Variants in NFILZ observed in about 807,000 individuals in gnomAD.
The protein encoded by NFILZ is NFIL3 like protein.
intron 3 of NFILZ, among the ~76,000 whole-genome samples, chr19:8,650,834 T>C (rs1255535624): frequency 6.6e-6 from 1 of 152,204 alleles, no homozygotes; most frequent in Non-Finnish European, 1.5e-5. Flanking sequence ...GGTTTCATAA[T>C]GTACATGTAA....
At chr19:8,675,054 T>G (rs781945101) in intron 4 of NFILZ, among the ~76,000 whole-genome samples, 15 of 152,278 alleles carry the variant, frequency 9.9e-5, no homozygotes, top group Non-Finnish European at 2.1e-4. Flanking sequence ...ATTCATTAAG[T>G]CATTAATTCA....
chr19:8,634,895 AAACAAAC>A (rs2042887823), intron 2 of NFILZ, among the ~76,000 whole-genome samples: 2 of 146,994 alleles, frequency 1.4e-5, no homozygotes, highest in African/African-American at 5.3e-5. Flanking sequence ...ACAAACAAAC[AAACAAAC>A]AAAAAAACAA....
intron 3 of NFILZ, among the ~76,000 whole-genome samples, chr19:8,641,808 C>G (rs2042920426): frequency 6.6e-6 from 1 of 150,962 alleles, no homozygotes; most frequent in Non-Finnish European, 1.5e-5. Flanking sequence ...CATTTAGAAC[C>G]AATGCCTTAA....
intron 3 of NFILZ, among the ~76,000 whole-genome samples, chr19:8,666,406 G>T (rs1430842766): frequency 6.6e-6 from 1 of 151,272 alleles, no homozygotes; most frequent in Non-Finnish European, 1.5e-5. Flanking sequence ...GAACTCCTAG[G>T]CTCAAGCGAT....
chr19:8,637,912 CAAAAA>C (rs35778716), intron 3 of NFILZ, among the ~76,000 whole-genome samples: 2 of 20,268 alleles, frequency 9.9e-5, no homozygotes, highest in East Asian at 1.6e-3. Flanking sequence ...AAGATGGTCT[CAAAAA>C]AAAAAAAAAA....
rs1600158085 is a variant in NFILZ, at chr19:8,678,078, A to ATTTG, written c.*444_*445insTTGT. Reference sequence around the variant, plus strand: ...CACCCATCTATTCATCCATCCATCAATCCATCCATCCATTCCATCCATCCA... The same window carrying ATTTG: ...CACCCATCTATTCATCCATCCATCAATTTGTCCATCCATCCATTCCATCCATCCA... On this transcript the variant is annotated 3_prime_UTR_variant, in exon 6 of 6. Coordinates refer to ENST00000691075, the MANE Select transcript of NFILZ (RefSeq NM_001378600.1). Among the ~76,000 whole-genome samples, 2 of 3,146 alleles carry ATTTG rather than the reference A, an allele frequency of 6.4e-4. No homozygotes were observed. The highest frequency in any genetic ancestry group is 7.4e-4 in the Non-Finnish European group (1 of 1,356). 2.1% of individuals were successfully genotyped at this position (3,146 alleles called of 152,430 possible).
At chr19:8,632,061 G>T (rs563649889) in intron 1 of NFILZ, among the ~76,000 whole-genome samples, 1 of 152,218 alleles carries the variant, frequency 6.6e-6, no homozygotes, top group Non-Finnish European at 1.5e-5. Context: ...TAGAGATGGG[G>T]TTGCACCATG....
Position 8,668,380 on chromosome 19 carries a change from T to A in NFILZ, c.-163-6171T>A, listed in dbSNP as rs113679286. On this transcript the variant is annotated intron_variant, in intron 3 of 5. Transcript: ENST00000691075. Reference sequence around the variant, plus strand: ...ACCCGAGGATACAGAGGAATGATGGTATACTTTTCATATCTGAGCTCTAAC... The same window carrying A: ...ACCCGAGGATACAGAGGAATGATGGAATACTTTTCATATCTGAGCTCTAAC... Among the ~76,000 whole-genome samples, 292 of 152,062 alleles carry A rather than the reference T, an allele frequency of 1.9e-3. 1 individual carries two copies. The highest frequency in any genetic ancestry group is 6.6e-3 in the African/African-American group (273 of 41,484).
rs1277115944 is a variant in NFILZ, at chr19:8,632,827, ATTC to A, written c.-261+209_-261+211del. 2.0e-5 allele frequency among the ~76,000 whole-genome samples: 3 copies of A among 151,508 alleles called. No homozygotes were observed. In the East Asian group the frequency reaches 5.8e-4, roughly 29 times the overall value. ...AACCTCCGCCTCCCAGGTTCAAGCA[ATTC>A]TTCTTCCTCAGCCTCCTGAGTAGCT... On this transcript the variant is annotated intron_variant, in intron 2 of 5. Transcript: ENST00000691075.
chr19:8,639,641 T>C (rs1307118843), intron 3 of NFILZ, among the ~76,000 whole-genome samples: 4 of 151,976 alleles, frequency 2.6e-5, no homozygotes, highest in African/African-American at 9.7e-5. Flanking sequence ...CTCAAGCTTT[T>C]ACCCTGGGAT....
At chr19:8,663,353 G>A (rs994855779) in intron 3 of NFILZ, among the ~76,000 whole-genome samples, 1 of 151,444 alleles carries the variant, frequency 6.6e-6, no homozygotes, top group Non-Finnish European at 1.5e-5. Context: ...CAAAAGTAGG[G>A]GTTTTGGCCT....
At position 8,635,652 on chromosome 19, in the gene NFILZ, A is replaced by G. The variant is rs782209419; in HGVS notation, c.-258A>G. The G allele has an allele frequency of 3.3e-5, 5 of 152,156 alleles. No individual in the cohort carries two copies. Among genetic ancestry groups the G allele is most frequent in the African/African-American group, 4.8e-5 (2 of 41,436 alleles). 9.4% of individuals were successfully genotyped at this position (152,156 alleles called of 1,614,324 possible). A position where few individuals can be genotyped will look rare whatever the true frequency, so the allele number is the denominator to read the frequency against. On this transcript the variant is annotated splice_region_variant and 5_prime_UTR_variant, in exon 3 of 6. Coordinates refer to ENST00000691075, the MANE Select transcript of NFILZ (RefSeq NM_001378600.1). ...TGCATCCATTCATTTGTTGACAGAC[A>G]CGTGAGTTGTTTCCAGTTTTGGTGA...
chr19:8,678,165 C>T lies in NFILZ; in HGVS notation c.*530C>T, dbSNP rs2146177726. On this transcript the variant is annotated 3_prime_UTR_variant, in exon 6 of 6. Transcript: ENST00000691075. ...TCCACTTGTCCGTCCATCCATCCATCCATCCATCCATCCATCCATCCATCC... is the reference window on the plus strand; with the variant it reads ...TCCACTTGTCCGTCCATCCATCCATTCATCCATCCATCCATCCATCCATCC... Among the ~76,000 whole-genome samples, 13 of 28,824 alleles carry T rather than the reference C, an allele frequency of 4.5e-4. No homozygotes were observed. The highest frequency in any genetic ancestry group is 1.2e-3 in the South Asian group (1 of 804). 18.9% of individuals were successfully genotyped at this position (28,824 alleles called of 152,430 possible).
intron 3 of NFILZ, among the ~76,000 whole-genome samples, chr19:8,656,497 C>CAGCCCACCTTCTCCT (rs1246521049): frequency 1.0e-4 from 7 of 68,454 alleles, no homozygotes; most frequent in Admixed American, 1.6e-4. Flanking sequence ...CACCTTCTCC[C>CAGCCCACCTTCTCCT]GCAGCCCACC....
chr19:8,650,627 CT>C (rs1397464668), intron 3 of NFILZ, among the ~76,000 whole-genome samples: 1 of 148,546 alleles, frequency 6.7e-6, no homozygotes, highest in Admixed American at 6.8e-5. Context: ...GCACTCCAGC[CT>C]GCAAGATGGA....
chr19:8,655,871 C>G (rs1316981513), intron 3 of NFILZ, among the ~76,000 whole-genome samples: 1 of 152,014 alleles, frequency 6.6e-6, no homozygotes, highest in Non-Finnish European at 1.5e-5. Context: ...CCATGTCTCT[C>G]TCGCTGTCTC....
intron 3 of NFILZ, among the ~76,000 whole-genome samples, chr19:8,657,962 G>A (rs1187527539): frequency 2.6e-5 from 4 of 152,160 alleles, no homozygotes; most frequent in African/African-American, 9.7e-5. Flanking sequence ...GGGTTTGGCA[G>A]GACTGGCGGT....
At chr19:8,666,528 A>G (rs554103381) in intron 3 of NFILZ, among the ~76,000 whole-genome samples, 1 of 152,154 alleles carries the variant, frequency 6.6e-6, no homozygotes, top group African/African-American at 2.4e-5. Context: ...AGTTCTCACA[A>G]CATCTGCCTA....
intron 3 of NFILZ, among the ~76,000 whole-genome samples, chr19:8,664,828 G>T (rs1555749602): frequency 6.6e-6 from 1 of 152,110 alleles, no homozygotes. Context: ...GGCAGGAGGG[G>T]TGGAGAAGGC....
Sources: allele counts gnomAD v4.1 joint callset (sites outside exome capture counted in the v4.1 genomes callset), GRCh38; gene constraint gnomAD v4.1.1; transcripts MANE v1.5; gene names NCBI Gene and HGNC (gene_info 2026-07-23, HGNC 2026-07-21).